The following ANK2 variants were observed in gnomAD, a reference collection of about 807,000 sequenced individuals.
ANK2 encodes the protein ankyrin 2.
A neutral mutation model predicts 360.5 loss-of-function variants in ANK2; 83 were observed. The observed-to-expected ratio is 0.23, with a 90% CI of 0.19 to 0.28. The LOEUF (loss-of-function observed/expected upper bound fraction) is 0.28. ANK2 is among the 10% of genes least tolerant of loss of function. The pLI, the probability that ANK2 is intolerant of heterozygous loss-of-function variation, is 1.00. For synonymous variants in ANK2, 1,740 were observed against 1,759.5 expected (o/e 0.99, Z 0.28); for missense variants, 4,201 against 4,795.7 (o/e 0.88, Z 3.66).
rs186408914 is a variant in ANK2 at position 113,245,773 on chromosome 4, T to A, written c.891+3564T>A. On this transcript the variant is annotated intron_variant, in intron 9 of 45. Coordinates refer to ENST00000357077, the MANE Select transcript of ANK2 (RefSeq NM_001148.6). Reference sequence around the variant, plus strand: ...TGTTTAATTTGGTTTTGACTATATTTTTAGAGAATATAATAAAGCTTCTAC... The same window carrying A: ...TGTTTAATTTGGTTTTGACTATATTATTAGAGAATATAATAAAGCTTCTAC... Among the ~76,000 whole-genome samples, 871 of 152,306 alleles carry A rather than the reference T, an allele frequency of 5.7e-3. 8 individuals carry two copies. Among genetic ancestry groups the A allele is most frequent in the African/African-American group, 0.02 (825 of 41,556 alleles).
intron 7 of ANK2, among the ~76,000 whole-genome samples, 172 bp downstream of exon 7, chr4:113,237,794 G>A (rs188519237): frequency 5.8e-4 from 88 of 152,286 alleles, no homozygotes; most frequent in Admixed American, 3.5e-3. Flanking sequence ...GATATTTAGT[G>A]TAACATATAT....
chr4:112,952,840 A>T (rs2095113028), intron 2 of ANK2, among the ~76,000 whole-genome samples: 1 of 152,142 alleles, frequency 6.6e-6, no homozygotes, highest in Non-Finnish European at 1.5e-5. Context: ...CAAATCTGTA[A>T]GGGGCATATT....
chr4:113,233,370 C>T (rs1404456043), intron 5 of ANK2, among the ~76,000 whole-genome samples: 2 of 151,174 alleles, frequency 1.3e-5, no homozygotes, highest in Admixed American at 6.6e-5. Flanking sequence ...CTCTTGACCT[C>T]GTGATCCGCC....
At chr4:112,835,030 G>T (rs558365086) in intron 1 of ANK2, among the ~76,000 whole-genome samples, 1 of 152,192 alleles carries the variant, frequency 6.6e-6, no homozygotes, top group South Asian at 2.1e-4. Flanking sequence ...TGCTCTTCCT[G>T]CTGTATCATC....
At chr4:112,757,169 A>G in the ANK2 span, among the ~76,000 whole-genome samples, 5 of 147,200 alleles carry the variant, frequency 3.4e-5, no homozygotes, top group South Asian at 1.1e-3. Flanking sequence ...CTGGAGTGCA[A>G]TGGCGCAATC....
chr4:113,176,896 T>A (rs1394363157), intron 2 of ANK2, among the ~76,000 whole-genome samples: 2 of 152,158 alleles, frequency 1.3e-5, no homozygotes, highest in Admixed American at 1.3e-4. Flanking sequence ...TTTTTTGTCC[T>A]TGAGATAGTT....
chr4:113,071,258 C>A (rs761228975), intron 1 of ANK2, among the ~76,000 whole-genome samples: 1 of 152,132 alleles, frequency 6.6e-6, no homozygotes, highest in African/African-American at 2.4e-5. Context: ...CAAGCACTGG[C>A]GCGTGTGACA....
chr4:112,938,228 A>G (rs1473975616), intron 2 of ANK2, among the ~76,000 whole-genome samples: 1 of 152,178 alleles, frequency 6.6e-6, no homozygotes, highest in Admixed American at 6.5e-5. Flanking sequence ...TTTTCTAACG[A>G]GAAACTGAGG....
At chr4:113,139,917 A>T (rs2154383892) in intron 1 of ANK2, among the ~76,000 whole-genome samples, 1 of 152,364 alleles carries the variant, frequency 6.6e-6, no homozygotes, top group South Asian at 2.1e-4. Flanking sequence ...GGCAATATTC[A>T]TTTTGATTAA....
chr4:113,332,278 A>G (rs959715425), intron 28 of ANK2, among the ~76,000 whole-genome samples: 1 of 152,126 alleles, frequency 6.6e-6, no homozygotes, highest in African/African-American at 2.4e-5. Flanking sequence ...CTTTCCCCTT[A>G]AAGTGCTGTG....
intron 1 of ANK2, among the ~76,000 whole-genome samples, chr4:112,828,019 CAG>C (rs2058776278): frequency 6.6e-6 from 1 of 152,100 alleles, no homozygotes. Flanking sequence ...AAGACAGACA[CAG>C]AGACGAATAG....
chr4:113,050,990 G>A (rs987678102), intron 1 of ANK2, among the ~76,000 whole-genome samples: 23 of 151,834 alleles, frequency 1.5e-4, no homozygotes, highest in African/African-American at 3.9e-4. Context: ...AAATAAGCAT[G>A]TGATGATTTT....
chr4:113,369,430 T>C, intron 42 of ANK2, 84 bp from the exon 43 acceptor site: 3 of 1,444,192 alleles, frequency 2.1e-6, no homozygotes, highest in Non-Finnish European at 2.9e-6. Flanking sequence ...AAAAACCAGC[T>C]CCATCTTGCC....
At chr4:112,820,207 A>G (rs937356191) in intron 1 of ANK2, among the ~76,000 whole-genome samples, 3 of 152,264 alleles carry the variant, frequency 2.0e-5, no homozygotes, top group Non-Finnish European at 4.4e-5. Flanking sequence ...TGTCTTTATC[A>G]TCACATTAGG....
chr4:113,369,496 T>C lies in ANK2; in HGVS notation c.11319-18T>C. 6.2e-7 allele frequency: 1 copy of C among 1,613,016 alleles called. No homozygotes were observed. The highest frequency in any genetic ancestry group is 1.1e-5 in the South Asian group (1 of 91,068). On this transcript the variant is annotated intron_variant, in intron 42 of 45. Transcript: ENST00000357077. Reference sequence around the variant, plus strand: ...AATGCAAATGTCCCTGAAGTCTCATTTGGCTTTTTGATTCCAGTGTGACAA... The same window carrying C: ...AATGCAAATGTCCCTGAAGTCTCATCTGGCTTTTTGATTCCAGTGTGACAA...
chr4:113,292,530 C>T lies in ANK2; in HGVS notation c.2376+16C>T, dbSNP rs755672475. On this transcript the variant is annotated intron_variant, in intron 21 of 45. Coordinates refer to ENST00000357077, the MANE Select transcript of ANK2 (RefSeq NM_001148.6). ...CACCACTGCGGTAAGGCAGACGCCA[C>T]TGCCCCTCACCACGCTTTCTTCTTT... is the stretch of plus-strand genomic sequence containing the variant. 1.2e-5 allele frequency: 19 copies of T among 1,585,322 alleles called. No individual in the cohort carries two copies. The highest frequency in any genetic ancestry group is 1.6e-5 in the Non-Finnish European group (19 of 1,161,376).
chr4:113,278,523 C>A lies in ANK2; in HGVS notation c.1846C>A (p.Leu616Met). ...YDNQKVALLL[L>M]EKGASPHATA... ...CAACCAGAAGGTGGCGCTGCTGTTA[C>A]TGGAGAAGGGTGCTTCCCCTCATGC... Residue 616 changes from leucine to methionine, a missense_variant, in exon 17 of 46, where the codon CTG (leucine) becomes ATG (methionine). Coordinates refer to ENST00000357077, the MANE Select transcript of ANK2 (RefSeq NM_001148.6). The A allele has an allele frequency of 6.2e-7, 1 of 1,613,970 alleles. No homozygotes were observed. Among genetic ancestry groups the A allele is most frequent in the South Asian group, 1.1e-5 (1 of 91,068 alleles).
intron 45 of ANK2, among the ~76,000 whole-genome samples, chr4:113,377,127 T>C (rs972223208): frequency 2.6e-5 from 4 of 152,176 alleles, no homozygotes; most frequent in Non-Finnish European, 5.9e-5. Flanking sequence ...TACTGATTTA[T>C]GTATTTACTA....
intron 1 of ANK2, chr4:113,107,093 T>A: frequency 3.3e-6 from 1 of 300,350 alleles, no homozygotes; most frequent in South Asian, 3.2e-5. Flanking sequence ...AAATCTTTGA[T>A]AATGAAGCCC....
Sources: allele counts gnomAD v4.1 joint callset (sites outside exome capture counted in the v4.1 genomes callset), GRCh38; gene constraint gnomAD v4.1.1; transcripts MANE v1.5; gene names NCBI Gene and HGNC (gene_info 2026-07-23, HGNC 2026-07-21).